Variants in ITGA1 observed in about 807,000 individuals in gnomAD.
The protein encoded by ITGA1 is integrin subunit alpha 1.
A neutral mutation model predicts 145.9 loss-of-function variants in ITGA1; 85 were observed. The observed-to-expected ratio is 0.58, with a 90% CI of 0.49 to 0.70. The LOEUF is 0.70. Among genes scored for constraint, ITGA1 ranks in the 30% least tolerant of loss-of-function variants. ITGA1 has a pLI of 0.00. For synonymous variants in ITGA1, 520 were observed against 495.3 expected (o/e 1.05, Z -0.66); for missense variants, 1,351 against 1,418.7 (o/e 0.95, Z 0.77).
intron 18 of ITGA1, among the ~76,000 whole-genome samples, chr5:52,924,576 G>C (rs1406216238): frequency 6.6e-6 from 1 of 152,248 alleles, no homozygotes; most frequent in Admixed American, 6.5e-5. Context: ...GAGCAGTGCA[G>C]TGCTTTTGAA....
chr5:52,955,299 AG>A lies in ITGA1; in HGVS notation c.*2849del, dbSNP rs1298048942. On this transcript the variant is annotated 3_prime_UTR_variant, in exon 29 of 29. Coordinates refer to ENST00000282588, the MANE Select transcript of ITGA1 (RefSeq NM_181501.2). The stretch of plus-strand genomic sequence containing the variant: ...ATGTATCTGCCACCTCTTACCAACC[AG>A]TGTGAGCTGACTTCAGCACACCACT... The A allele has an allele frequency of 2.0e-5, 3 of 152,222 alleles. No individual in the cohort carries two copies. The highest frequency in any genetic ancestry group is 7.2e-5 in the African/African-American group (3 of 41,442). 9.4% of individuals were successfully genotyped at this position (152,222 alleles called of 1,614,324 possible). A position where few individuals can be genotyped will look rare whatever the true frequency, so the allele number is the denominator to read the frequency against.
rs971636609 is a variant in ITGA1, at chr5:52,867,548, A to G, written c.624+1731A>G. ...GGGCAGCCTGCATCTTAACAGACCA[A>G]CTCCAGGATGTGACTTGCTCTTCCT... is the stretch of plus-strand genomic sequence containing the variant. On this transcript the variant is annotated intron_variant, in intron 6 of 28. Transcript: ENST00000282588. Among the ~76,000 whole-genome samples the G allele has an allele frequency of 2.6e-5, 4 of 151,908 alleles. No homozygotes were observed. In the East Asian group the frequency reaches 5.8e-4, roughly 22 times the overall value.
intron 7 of ITGA1, among the ~76,000 whole-genome samples, chr5:52,884,811 C>T (rs1222627896): frequency 2.0e-5 from 3 of 152,196 alleles, no homozygotes; most frequent in African/African-American, 2.4e-5. Flanking sequence ...TTTCCCACAT[C>T]GACCAGTTAT....
At chr5:52,849,230 G>A in intron 1 of ITGA1, 135 bp from the exon 2 acceptor site, 2 of 688,304 alleles carry the variant, frequency 2.9e-6, no homozygotes, top group Non-Finnish European at 4.5e-6. Context: ...CCTTCCTTGA[G>A]TTTTCATTCT....
At chr5:52,900,746 C>G (rs140273055) in intron 11 of ITGA1, among the ~76,000 whole-genome samples, 2 of 152,168 alleles carry the variant, frequency 1.3e-5, no homozygotes, top group African/African-American at 4.8e-5. Flanking sequence ...TACTCTCCCC[C>G]TCAAAGCCTC....
chr5:52,942,373 G>C (rs1311013870), intron 26 of ITGA1, among the ~76,000 whole-genome samples: 6 of 152,062 alleles, frequency 3.9e-5, no homozygotes, highest in African/African-American at 7.2e-5. Flanking sequence ...GGGCAGTATG[G>C]CCATTTAATG....
At chr5:52,849,966 A>G (rs1749403071) in intron 2 of ITGA1, among the ~76,000 whole-genome samples, 1 of 151,630 alleles carries the variant, frequency 6.6e-6, no homozygotes, top group Non-Finnish European at 1.5e-5. Flanking sequence ...TCTACCTTCA[A>G]ACCCTTTAAT....
chr5:52,944,931 T>C lies in ITGA1; in HGVS notation c.3286-12T>C. 2.5e-6 allele frequency: 4 copies of C among 1,572,874 alleles called. No homozygotes were observed. The highest frequency in any genetic ancestry group is 3.5e-6 in the Non-Finnish European group (4 of 1,143,770). Reference sequence around the variant, plus strand: ...CATCATATATTAAGAACAAATCCTATTTGCTTTTCAGTCATATTTTTCCAG... The same window carrying C: ...CATCATATATTAAGAACAAATCCTACTTGCTTTTCAGTCATATTTTTCCAG... On this transcript the variant is annotated splice_polypyrimidine_tract_variant and intron_variant, in intron 26 of 28. Coordinates refer to ENST00000282588, the MANE Select transcript of ITGA1 (RefSeq NM_181501.2).
At chr5:52,867,756 C>G (rs1368366680) in intron 6 of ITGA1, among the ~76,000 whole-genome samples, 1 of 151,974 alleles carries the variant, frequency 6.6e-6, no homozygotes, top group Admixed American at 6.6e-5. Context: ...GAAGGAGACA[C>G]GAGAGGCTAA....
chr5:52,866,866 C>T (rs1749695345), intron 6 of ITGA1, among the ~76,000 whole-genome samples: 1 of 152,056 alleles, frequency 6.6e-6, no homozygotes, highest in Admixed American at 6.6e-5. Context: ...TAATGGATAA[C>T]AGGCAAATAA....
chr5:52,813,814 G>A lies in ITGA1; in HGVS notation c.61+25400G>A, dbSNP rs373355735. Among the ~76,000 whole-genome samples the A allele has an allele frequency of 9.2e-5, 14 of 152,260 alleles. No individual in the cohort carries two copies. In the East Asian group the frequency reaches 2.7e-3, roughly 29 times the overall value. On this transcript the variant is annotated intron_variant, in intron 1 of 28. Transcript: ENST00000282588. ...CCTTCCCCAACCAGGAGGAATTTGT[G>A]GATTCTAGGTAGCCAAAACAAAAGA...
chr5:52,914,420 T>C (rs1180524823), intron 14 of ITGA1, among the ~76,000 whole-genome samples: 1 of 151,954 alleles, frequency 6.6e-6, no homozygotes, highest in African/African-American at 2.4e-5. Context: ...AGGCGGATCA[T>C]GAGGCCAGGA....
intron 2 of ITGA1, among the ~76,000 whole-genome samples, chr5:52,853,639 GC>G (rs1749461515): frequency 1.3e-5 from 2 of 152,264 alleles, no homozygotes; most frequent in Non-Finnish European, 2.9e-5. Flanking sequence ...AGAAAAGGTA[GC>G]CTTATGTCCT....
intron 1 of ITGA1, 84 bp downstream of exon 1, chr5:52,788,498 C>A: frequency 2.6e-6 from 3 of 1,161,250 alleles, no homozygotes; most frequent in Non-Finnish European, 3.4e-6. Context: ...GAGCCATGGG[C>A]CAGATAGGAA....
chr5:52,890,065 A>T (rs1750119952), intron 8 of ITGA1: 1 of 152,058 alleles, frequency 6.6e-6, no homozygotes, highest in South Asian at 2.1e-4. Context: ...ATATCTGTGT[A>T]TTTATTTTAA....
chr5:52,904,605 A>C (rs1040541876), intron 11 of ITGA1: 1 of 152,276 alleles, frequency 6.6e-6, no homozygotes, highest in African/African-American at 2.4e-5. Context: ...CTGTAATCCC[A>C]GCACTTCGGG....
chr5:52,911,159 T>C (rs1750515905), intron 14 of ITGA1, among the ~76,000 whole-genome samples: 1 of 136,980 alleles, frequency 7.3e-6, no homozygotes, highest in Non-Finnish European at 1.5e-5. Flanking sequence ...GTATATATAG[T>C]GTATATAGAG....
At chr5:52,929,943 T>C (rs947502897) in intron 21 of ITGA1, among the ~76,000 whole-genome samples, 8 of 152,188 alleles carry the variant, frequency 5.3e-5, no homozygotes, top group East Asian at 1.9e-4. Flanking sequence ...CTATGAGCTA[T>C]AGAAGATACC....
chr5:52,827,147 G>T (rs1748981907), intron 1 of ITGA1, among the ~76,000 whole-genome samples: 2 of 150,406 alleles, frequency 1.3e-5, no homozygotes, highest in Non-Finnish European at 2.9e-5. Flanking sequence ...ACATTAACAG[G>T]AGTTTAGTAG....
Sources: gnomAD v4.1 joint callset for allele counts (sites outside exome capture counted in the v4.1 genomes callset) on GRCh38, gnomAD v4.1.1 for gene constraint, MANE v1.5 for transcripts, NCBI Gene and HGNC (gene_info 2026-07-23, HGNC 2026-07-21) for gene names.